The following CACNA2D3 variants were observed in gnomAD, a reference collection of about 807,000 sequenced individuals.
CACNA2D3 encodes the protein calcium voltage-gated channel auxiliary subunit alpha2delta 3, also known as voltage-dependent calcium channel subunit alpha-2/delta-3.
Under a neutral mutation model 160.6 loss-of-function variants are expected in CACNA2D3, and 60 were observed. The observed-to-expected ratio is 0.37, with a 90% CI of 0.30 to 0.46. CACNA2D3 has a LOEUF of 0.46. CACNA2D3 is among the 20% of genes least tolerant of loss of function. The probability of loss-of-function intolerance (pLI) is 1.00; values close to 1 mark genes in which losing one functional copy is unlikely to be tolerated. For synonymous variants in CACNA2D3, 558 were observed against 492.9 expected, an observed-to-expected ratio of 1.13 and a Z score of -1.75; for missense variants, 1,205 against 1,365.0, an observed-to-expected ratio of 0.88 and a Z score of 1.85.
At chr3:54,751,468 T>A (rs1028802249) in intron 11 of CACNA2D3, among the ~76,000 whole-genome samples, 15 of 152,260 alleles carry the variant, frequency 9.9e-5, no homozygotes, top group Middle Eastern at 3.4e-3. Flanking sequence ...GTGTTTTTTT[T>A]AATCTCTTCA....
chr3:54,391,232 A>C (rs1378288448), intron 4 of CACNA2D3, among the ~76,000 whole-genome samples: 1 of 152,170 alleles, frequency 6.6e-6, no homozygotes, highest in East Asian at 1.9e-4. Flanking sequence ...CAACTCCTTT[A>C]TTATTACAAT....
chr3:54,510,482 G>A (rs573279631), intron 5 of CACNA2D3, among the ~76,000 whole-genome samples: 4 of 152,264 alleles, frequency 2.6e-5, no homozygotes, highest in African/African-American at 9.6e-5. Flanking sequence ...TTAGGTACAG[G>A]TGATTCTTTC....
chr3:54,586,952 A>T (rs7643441), intron 9 of CACNA2D3, among the ~76,000 whole-genome samples: 113,560 of 151,698 alleles, frequency 0.75, 43,182 homozygotes, highest in African/African-American at 0.87. Context: ...AAAAGAAATT[A>T]AAAAAAATAC....
In CACNA2D3 at chr3:54,817,440, C is replaced by CT. The variant is rs568166037; in HGVS notation, c.1398+571dup. Among the ~76,000 whole-genome samples the CT allele has an allele frequency of 4.6e-5, 7 of 152,296 alleles. No homozygotes were observed. In the East Asian group the frequency reaches 9.6e-4, roughly 21 times the overall value. ...ATCTAGTTCCACCATCTAGAATGTT[C>CT]TGTGTCCAGAAAGACTCCATGTGGT... is the stretch of plus-strand genomic sequence containing the variant. On this transcript the variant is annotated intron_variant, in intron 14 of 37. Coordinates refer to ENST00000474759, the MANE Select transcript of CACNA2D3 (RefSeq NM_018398.3).
At chr3:54,579,672 G>T (rs1392889786) in intron 8 of CACNA2D3, among the ~76,000 whole-genome samples, 2 of 152,160 alleles carry the variant, frequency 1.3e-5, no homozygotes, top group African/African-American at 2.4e-5. Flanking sequence ...AGTCAGCAAG[G>T]GAAGTGAAGG....
chr3:54,720,369 G>C (rs1452111354), intron 11 of CACNA2D3, among the ~76,000 whole-genome samples: 1 of 151,950 alleles, frequency 6.6e-6, no homozygotes, highest in Non-Finnish European at 1.5e-5. Context: ...TTTATTTAAA[G>C]TGTATTATTT....
intron 11 of CACNA2D3, among the ~76,000 whole-genome samples, chr3:54,751,445 G>C (rs1451715315): frequency 6.7e-6 from 1 of 149,088 alleles, no homozygotes; most frequent in East Asian, 1.9e-4. Flanking sequence ...ATAATCCACT[G>C]TAAGCGTTTT....
chr3:54,337,589 G>A (rs747771309), intron 3 of CACNA2D3, among the ~76,000 whole-genome samples: 6 of 152,184 alleles, frequency 3.9e-5, no homozygotes, highest in African/African-American at 1.4e-4. Context: ...GACTAGACTG[G>A]TCCTTTTCCA....
Position 54,774,012 on chromosome 3 carries a change from C to T in CACNA2D3, c.1380+9661C>T, listed in dbSNP as rs542088128. ...AGAACAGCCTCTATCCTCTGCCATA[C>T]ACCAATGGATAAGAGCATCTAGCCT... On this transcript the variant is annotated intron_variant, in intron 13 of 37. Coordinates refer to ENST00000474759, the MANE Select transcript of CACNA2D3 (RefSeq NM_018398.3). Among the ~76,000 whole-genome samples, 5 of 152,342 alleles carry T rather than the reference C, an allele frequency of 3.3e-5. No homozygotes were observed. The South Asian group carries it at 8.3e-4, about 25-fold the overall frequency.
chr3:54,124,965 C>A (rs1401037915), intron 2 of CACNA2D3, among the ~76,000 whole-genome samples: 1 of 152,188 alleles, frequency 6.6e-6, no homozygotes, highest in Non-Finnish European at 1.5e-5. Context: ...TAATCTGGAC[C>A]AATCTGTCTC....
intron 9 of CACNA2D3, among the ~76,000 whole-genome samples, chr3:54,592,945 A>C (rs1018430274): frequency 6.6e-6 from 1 of 152,148 alleles, no homozygotes; most frequent in South Asian, 2.1e-4. Flanking sequence ...CTCTGGCCTT[A>C]TAGGTATAGA....
In CACNA2D3 at chr3:54,896,576, T is replaced by C. The variant is rs1700193312; in HGVS notation, c.2247-173T>C. On this transcript the variant is annotated intron_variant, in intron 25 of 37. Transcript: ENST00000474759. ...ACTCCCAGAGCTCTGCAAGATGTTT[T>C]TGAGTAATCTGGGGTGCACAGTGTT... is the stretch of plus-strand genomic sequence containing the variant. The C allele has an allele frequency of 1.1e-5, 7 of 649,268 alleles. No homozygotes were observed. In the South Asian group the frequency reaches 1.2e-4, roughly 11 times the overall value. 40.2% of individuals were successfully genotyped at this position (649,268 alleles called of 1,614,324 possible).
intron 31 of CACNA2D3, among the ~76,000 whole-genome samples, chr3:54,991,043 A>C (rs13315066): frequency 0.035 from 5,399 of 152,106 alleles, 331 homozygotes; most frequent in African/African-American, 0.12. Flanking sequence ...TGACAGTAAT[A>C]ATCATGGCTG....
intron 4 of CACNA2D3, among the ~76,000 whole-genome samples, chr3:54,445,496 G>T (rs1246368012): frequency 6.7e-6 from 1 of 149,126 alleles, no homozygotes; most frequent in Non-Finnish European, 1.5e-5. Context: ...AAATAAATTT[G>T]TTTTTGTACA....
In CACNA2D3 at chr3:54,569,827, A is replaced by C; in HGVS notation, c.709A>C (p.Ile237Leu). Residue 237 changes from isoleucine (I) to leucine (L), a missense_variant, in exon 7 of 38, where the codon ATT (isoleucine) becomes CTT (leucine). Physicochemically the swap from Ile to Leu is conservative, Grantham distance 5 (BLOSUM62 2). Around this residue, in one of 3 missense-constraint regions of CACNA2D3, gnomAD observed 131 missense variants for 201.5 expected, o/e 0.65. Transcript: ENST00000474759. ...IKWEPDENGV[I>L]AFDCRNRKWY... ...ATGGGAACCAGATGAGAATGGAGTC[A>C]TTGCCTTCGACTGCAGGAACCGAAA... 1 of 1,606,684 alleles carries C rather than the reference A, an allele frequency of 6.2e-7. No individual in the cohort carries two copies. The highest frequency in any genetic ancestry group is 8.5e-7 in the Non-Finnish European group (1 of 1,176,226).
intron 4 of CACNA2D3, among the ~76,000 whole-genome samples, chr3:54,411,557 T>G (rs1178197583): frequency 1.3e-5 from 2 of 152,212 alleles, no homozygotes; most frequent in Non-Finnish European, 2.9e-5. Context: ...TATTTTAAAA[T>G]TAAGGTACAC....
chr3:54,326,525 A>G (rs1406422845), intron 3 of CACNA2D3, among the ~76,000 whole-genome samples: 1 of 152,210 alleles, frequency 6.6e-6, no homozygotes, highest in African/African-American at 2.4e-5. Context: ...AACTCATCTG[A>G]TCTATAGACA....
At chr3:54,296,903 G>T (rs138602831) in intron 2 of CACNA2D3, among the ~76,000 whole-genome samples, 2 of 152,206 alleles carry the variant, frequency 1.3e-5, no homozygotes, top group Admixed American at 6.5e-5. Context: ...GCTGAGTTTG[G>T]CAGAGCTGGG....
chr3:54,529,169 A>G (rs1701768825), intron 5 of CACNA2D3, among the ~76,000 whole-genome samples: 1 of 152,134 alleles, frequency 6.6e-6, no homozygotes, highest in Non-Finnish European at 1.5e-5. Context: ...CTGCCAAGCT[A>G]CCTCTAGTGT....
Sources: allele counts gnomAD v4.1 joint callset (sites outside exome capture counted in the v4.1 genomes callset), GRCh38; gene constraint gnomAD v4.1.1; regional missense constraint gnomAD v4.1.1; transcripts MANE v1.5; gene names NCBI Gene and HGNC (gene_info 2026-07-23, HGNC 2026-07-21).